TMEM248: variants seen among roughly 807,000 people sequenced by gnomAD.
The protein encoded by TMEM248 is UPF0458 protein C7orf42.
A neutral mutation model predicts 30.3 loss-of-function variants in TMEM248; 9 were observed. The ratio of observed to expected loss-of-function variants is 0.30; its 90% CI spans 0.18 to 0.52. The LOEUF (loss-of-function observed/expected upper bound fraction) is 0.52, where lower values mean the gene tolerates loss of function less well. Ranked by LOEUF, TMEM248 falls within the 20% of genes least tolerant of loss-of-function variation. The pLI is 0.97. For synonymous variants in TMEM248, 184 were observed against 154.4 expected (o/e 1.19, Z -1.42); for missense variants, 338 against 403.3 (o/e 0.84, Z 1.39).
At position 66,941,854 on chromosome 7, in the gene TMEM248, C is replaced by T. The variant is rs1791968620; in HGVS notation, c.-12C>T. ...TCTGATTCATTTCTTTCAGGTGGAG[C>T]TGATCAGAATAATGTTCAGCATCAA... On this transcript the variant is annotated 5_prime_UTR_variant, in exon 2 of 7. Coordinates refer to ENST00000341567, the MANE Select transcript of TMEM248 (RefSeq NM_017994.5). The T allele has an allele frequency of 3.1e-6, 5 of 1,607,480 alleles. No homozygotes were observed. Among genetic ancestry groups the T allele is most frequent in the African/African-American group, 2.7e-5 (2 of 74,888 alleles).
chr7:66,927,801 C>T (rs576552699), intron 1 of TMEM248, among the ~76,000 whole-genome samples: 1 of 152,144 alleles, frequency 6.6e-6, no homozygotes, highest in African/African-American at 2.4e-5. Context: ...AAAGTCTGTT[C>T]TACACTGTGA....
chr7:66,941,378 CAAAAAAAAAA>C (rs531732717), intron 1 of TMEM248, among the ~76,000 whole-genome samples: 1 of 62,988 alleles, frequency 1.6e-5, no homozygotes, highest in East Asian at 4.3e-4. Flanking sequence ...GACTCCGTCT[CAAAAAAAAAA>C]AAAAAGAAAA....
intron 6 of TMEM248, among the ~76,000 whole-genome samples, chr7:66,953,939 CTTTTT>C (rs34925648): frequency 1.4e-4 from 12 of 83,988 alleles, no homozygotes; most frequent in East Asian, 7.1e-4. Context: ...AGATTACTTT[CTTTTT>C]TTTTTTTTTT....
chr7:66,926,146 A>G (rs558400865), intron 1 of TMEM248, among the ~76,000 whole-genome samples: 56 of 152,272 alleles, frequency 3.7e-4, no homozygotes, highest in African/African-American at 1.3e-3. Context: ...ATGTTGGCCA[A>G]CTATATCTGT....
At position 66,956,462 on chromosome 7, in the gene TMEM248, C is replaced by G. The variant is rs1183776421; in HGVS notation, c.*940C>G. 1 of 151,260 alleles carries G rather than the reference C, an allele frequency of 6.6e-6. No individual in the cohort carries two copies. Among genetic ancestry groups the G allele is most frequent in the Non-Finnish European group, 1.5e-5 (1 of 68,030 alleles). The allele number at this position is 151,260 out of a possible 1,614,324, so 9.4% of individuals were successfully genotyped here. A position where few individuals can be genotyped will look rare whatever the true frequency, so the allele number is the denominator to read the frequency against. On this transcript the variant is annotated 3_prime_UTR_variant, in exon 7 of 7. Coordinates refer to ENST00000341567, the MANE Select transcript of TMEM248 (RefSeq NM_017994.5). ...TGGAAAGAAAGAATAATGATTCTATCTAATAGGAAAGGATTTCTTCTTTCT... is the reference window on the plus strand; with the variant it reads ...TGGAAAGAAAGAATAATGATTCTATGTAATAGGAAAGGATTTCTTCTTTCT...
intron 1 of TMEM248, among the ~76,000 whole-genome samples, chr7:66,926,546 G>T (rs1285350422): frequency 6.6e-6 from 1 of 151,196 alleles, no homozygotes; most frequent in Non-Finnish European, 1.5e-5. Flanking sequence ...TGAAGCAGGA[G>T]AATCACTTGA....
At position 66,957,350 on chromosome 7, in the gene TMEM248, C is replaced by T. The variant is rs554497670; in HGVS notation, c.*1828C>T. ...TTTTATTGAAGATTGTTAAAATAAT[C>T]ACCATAGTAACTTGATATGTTAGTA... On this transcript the variant is annotated 3_prime_UTR_variant, in exon 7 of 7. Coordinates refer to ENST00000341567, the MANE Select transcript of TMEM248 (RefSeq NM_017994.5). 3.3e-5 allele frequency: 5 copies of T among 152,222 alleles called. No individual in the cohort carries two copies. The highest frequency in any genetic ancestry group is 1.2e-4 in the African/African-American group (5 of 41,450). 9.4% of individuals were successfully genotyped at this position (152,222 alleles called of 1,614,324 possible).
chr7:66,940,560 T>A lies in TMEM248; in HGVS notation c.-18-1288T>A, dbSNP rs537381016. On this transcript the variant is annotated intron_variant, in intron 1 of 6. Coordinates refer to ENST00000341567, the MANE Select transcript of TMEM248 (RefSeq NM_017994.5). Reference sequence around the variant, plus strand: ...CAGTCCCTGTCAGTCCCAGCTGATTTCCTTGCAGACATTGACAAGATGATC... The same window carrying A: ...CAGTCCCTGTCAGTCCCAGCTGATTACCTTGCAGACATTGACAAGATGATC... Among the ~76,000 whole-genome samples, 17 of 152,320 alleles carry A rather than the reference T, an allele frequency of 1.1e-4. No homozygotes were observed. The South Asian group carries it at 3.5e-3, about 32-fold the overall frequency.
intron 1 of TMEM248, among the ~76,000 whole-genome samples, chr7:66,927,627 T>G (rs1368311788): frequency 6.8e-6 from 1 of 146,818 alleles, no homozygotes; most frequent in Non-Finnish European, 1.5e-5. Flanking sequence ...GGGTTTTGTT[T>G]TTTTTTTTTT....
intron 1 of TMEM248, among the ~76,000 whole-genome samples, chr7:66,929,790 G>A (rs971771446): frequency 1.6e-4 from 24 of 152,200 alleles, no homozygotes; most frequent in Non-Finnish European, 2.6e-4. Context: ...TGGAGTGAGA[G>A]CTGCCCTTGA....
intron 5 of TMEM248, chr7:66,951,410 G>C: frequency 3.3e-6 from 1 of 307,652 alleles, no homozygotes; most frequent in Non-Finnish European, 5.9e-6. Context: ...CCCTGGGGGG[G>C]GTTACAAGGG....
At chr7:66,949,671 C>T (rs894103875) in intron 4 of TMEM248, among the ~76,000 whole-genome samples, 11 of 152,052 alleles carry the variant, frequency 7.2e-5, no homozygotes, top group East Asian at 1.9e-4. Context: ...TTTAATTTTA[C>T]CTGCGAATTT....
intron 1 of TMEM248, among the ~76,000 whole-genome samples, chr7:66,927,763 T>C (rs1051959505): frequency 6.6e-6 from 1 of 152,122 alleles, no homozygotes; most frequent in Non-Finnish European, 1.5e-5. Context: ...AGTCTCTCTT[T>C]GGTTCCTTTT....
intron 1 of TMEM248, among the ~76,000 whole-genome samples, chr7:66,925,098 G>C (rs1791489265): frequency 6.6e-6 from 1 of 151,926 alleles, no homozygotes; most frequent in Admixed American, 6.6e-5. Flanking sequence ...ATGGCTCACT[G>C]CACCCTCCTC....
At chr7:66,941,558 TAAAACAC>T (rs1298355259) in intron 1 of TMEM248, among the ~76,000 whole-genome samples, 1 of 115,862 alleles carries the variant, frequency 8.6e-6, no homozygotes, top group African/African-American at 4.4e-5. Flanking sequence ...CCCTGTTTCT[TAAAACAC>T]ACACACACAC....
Position 66,942,042 on chromosome 7 carries a change from T to C in TMEM248, c.159+18T>C. On this transcript the variant is annotated intron_variant, in intron 2 of 6. Transcript: ENST00000341567. ...TGGCAGAGGTATAGTATGCTCTGAC[T>C]TCTCCCGGGCTGGCTGGTCCTTGTG... is the stretch of plus-strand genomic sequence containing the variant. 1.2e-6 allele frequency: 2 copies of C among 1,609,372 alleles called. No individual in the cohort carries two copies. The highest frequency in any genetic ancestry group is 1.7e-6 in the Non-Finnish European group (2 of 1,176,444).
chr7:66,944,394 C>G (rs1440431079), intron 2 of TMEM248, among the ~76,000 whole-genome samples: 2 of 152,148 alleles, frequency 1.3e-5, no homozygotes, highest in African/African-American at 4.8e-5. Flanking sequence ...TGCGAGCCAC[C>G]GTACCTGGCC....
chr7:66,925,209 C>T (rs1025529176), intron 1 of TMEM248, among the ~76,000 whole-genome samples: 2 of 151,894 alleles, frequency 1.3e-5, no homozygotes, highest in Non-Finnish European at 2.9e-5. Flanking sequence ...TTTGTAGAGG[C>T]AAGGTCTCAC....
chr7:66,923,020 A>G (rs1329578299), intron 1 of TMEM248, among the ~76,000 whole-genome samples: 4 of 152,032 alleles, frequency 2.6e-5, no homozygotes, highest in Non-Finnish European at 5.9e-5. Context: ...GTGCGAATAT[A>G]TTAATAGTTT....
Sources: gnomAD v4.1 joint callset for allele counts (sites outside exome capture counted in the v4.1 genomes callset) on GRCh38, gnomAD v4.1.1 for gene constraint, MANE v1.5 for transcripts, NCBI Gene and HGNC (gene_info 2026-07-23, HGNC 2026-07-21) for gene names.